Variants in UMAD1 observed in about 807,000 individuals in gnomAD.
UMAD1 encodes UBAP1-MVB12-associated (UMA) domain containing 1.
A neutral mutation model predicts 6.1 loss-of-function variants in UMAD1; 8 were observed. That is an observed-to-expected ratio of 1.30 (90% CI 0.76 to 2.35). UMAD1 has a LOEUF of 2.35. Among genes scored for constraint, UMAD1 ranks in the 30% most tolerant of loss-of-function variants. UMAD1 has a pLI of 0.00. For missense variants in UMAD1, 130 were observed against 78.4 expected (o/e 1.66, Z -2.49); for synonymous variants, 56 against 31.4 (o/e 1.78, Z -2.61).
intron 3 of UMAD1, among the ~76,000 whole-genome samples, chr7:7,844,210 A>T (rs868852881): frequency 6.6e-6 from 1 of 152,166 alleles, no homozygotes; most frequent in Admixed American, 6.5e-5. Flanking sequence ...TCACTTGCAG[A>T]TGTGATTATT....
At chr7:7,805,144 C>T (rs887594214) in intron 3 of UMAD1, among the ~76,000 whole-genome samples, 1 of 152,138 alleles carries the variant, frequency 6.6e-6, no homozygotes, top group Non-Finnish European at 1.5e-5. Flanking sequence ...TATGTCTCTA[C>T]CTAGACCTCT....
intron 2 of UMAD1, among the ~76,000 whole-genome samples, chr7:7,783,673 C>G (rs1281540072): frequency 6.6e-6 from 1 of 152,022 alleles, no homozygotes; most frequent in Admixed American, 6.6e-5. Context: ...ATTAGAGAGG[C>G]GTAAAACTGG....
intron 3 of UMAD1, among the ~76,000 whole-genome samples, chr7:7,854,019 C>A (rs1184238426): frequency 6.6e-6 from 1 of 152,122 alleles, no homozygotes; most frequent in Non-Finnish European, 1.5e-5. Flanking sequence ...AGTCCGTTCT[C>A]ACGTTGCCAT....
At chr7:7,864,602 TACACACACACAC>T (rs59036228) in intron 3 of UMAD1, among the ~76,000 whole-genome samples, 17,941 of 140,172 alleles carry the variant, frequency 0.13, 1,277 homozygotes, top group South Asian at 0.22. Context: ...ACATGAAAAC[TACACACACACAC>T]ACACACACAC....
intron 3 of UMAD1, among the ~76,000 whole-genome samples, chr7:7,831,828 T>G (rs927990894): frequency 1.3e-5 from 2 of 152,330 alleles, no homozygotes; most frequent in South Asian, 2.1e-4. Context: ...ATAATTATTA[T>G]TAGTAATAGG....
intron 2 of UMAD1, among the ~76,000 whole-genome samples, chr7:7,714,070 GT>G (rs1780831690): frequency 2.0e-5 from 3 of 152,194 alleles, no homozygotes; most frequent in Admixed American, 1.3e-4. Context: ...CAAAAATTGA[GT>G]TTTTTTGTGT....
chr7:7,683,190 T>G (rs559057280), intron 2 of UMAD1, among the ~76,000 whole-genome samples: 224 of 152,310 alleles, frequency 1.5e-3, no homozygotes, highest in Admixed American at 2.8e-3. Context: ...GTGGATTTAG[T>G]TGACTCAAAC....
intron 3 of UMAD1, among the ~76,000 whole-genome samples, chr7:7,849,288 CT>C (rs1453009357): frequency 6.6e-6 from 1 of 152,072 alleles, no homozygotes; most frequent in African/African-American, 2.4e-5. Flanking sequence ...AGTTGCTTTT[CT>C]TGTGTTTGAG....
chr7:7,741,727 A>C (rs1781471908), intron 2 of UMAD1, among the ~76,000 whole-genome samples: 1 of 151,842 alleles, frequency 6.6e-6, no homozygotes, highest in Non-Finnish European at 1.5e-5. Context: ...TAAACCACTG[A>C]TTTGCTAAAA....
chr7:7,787,819 G>T (rs1782488325), intron 2 of UMAD1, among the ~76,000 whole-genome samples: 1 of 152,152 alleles, frequency 6.6e-6, no homozygotes, highest in Non-Finnish European at 1.5e-5. Flanking sequence ...TTTCACATTA[G>T]GGTTATGATT....
intron 3 of UMAD1, among the ~76,000 whole-genome samples, chr7:7,832,976 G>A (rs1384898236): frequency 6.6e-6 from 1 of 152,134 alleles, no homozygotes; most frequent in Admixed American, 6.6e-5. Flanking sequence ...TCTGAGCAGA[G>A]GATTGGATCT....
intron 2 of UMAD1, among the ~76,000 whole-genome samples, chr7:7,698,600 C>T (rs1226169662): frequency 6.6e-6 from 1 of 151,994 alleles, no homozygotes; most frequent in African/African-American, 2.4e-5. Context: ...CCTGTTTAGG[C>T]AGTTGATTCC....
intron 3 of UMAD1, among the ~76,000 whole-genome samples, chr7:7,840,002 A>G (rs547763937): frequency 1.3e-5 from 2 of 152,270 alleles, no homozygotes; most frequent in East Asian, 1.9e-4. Flanking sequence ...CAAACAGGCA[A>G]TGGAATTGGG....
chr7:7,704,286 A>T (rs1473621430), intron 2 of UMAD1, among the ~76,000 whole-genome samples: 1 of 152,134 alleles, frequency 6.6e-6, no homozygotes, highest in Non-Finnish European at 1.5e-5. Context: ...CATTCATGTA[A>T]ATATGTAAAA....
chr7:7,646,296 G>A (rs551940230), intron 1 of UMAD1, among the ~76,000 whole-genome samples: 4 of 87,904 alleles, frequency 4.6e-5, no homozygotes, highest in Non-Finnish European at 4.8e-5. Context: ...ATGGTGATAC[G>A]GTTTGGCTGT....
At chr7:7,653,837 G>A (rs1785281757) in intron 1 of UMAD1, among the ~76,000 whole-genome samples, 1 of 152,168 alleles carries the variant, frequency 6.6e-6, no homozygotes, top group African/African-American at 2.4e-5. Flanking sequence ...CACAGCTGGG[G>A]GATAGGAAGG....
chr7:7,705,239 G>T (rs184245430), intron 2 of UMAD1, among the ~76,000 whole-genome samples: 1 of 152,152 alleles, frequency 6.6e-6, no homozygotes, highest in African/African-American at 2.4e-5. Context: ...AACGAAGTTC[G>T]TATAGTTGAT....
At chr7:7,763,977 AGAT>A (rs1298244398) in intron 2 of UMAD1, among the ~76,000 whole-genome samples, 1 of 152,272 alleles carries the variant, frequency 6.6e-6, no homozygotes, top group African/African-American at 2.4e-5. Flanking sequence ...GTAGAAAAGA[AGAT>A]ACCAAAAAGG....
chr7:7,754,757 T>C (rs975023700), intron 2 of UMAD1, among the ~76,000 whole-genome samples: 2 of 152,228 alleles, frequency 1.3e-5, no homozygotes, highest in African/African-American at 4.8e-5. Flanking sequence ...GTGGATTTAT[T>C]TTTTTCAGCT....
Sources: gnomAD v4.1 joint callset for allele counts (sites outside exome capture counted in the v4.1 genomes callset) on GRCh38, gnomAD v4.1.1 for gene constraint, MANE v1.5 for transcripts, NCBI Gene and HGNC (gene_info 2026-07-23, HGNC 2026-07-21) for gene names.